The following SLC6A15 variants were observed in gnomAD, a reference collection of about 807,000 sequenced individuals.
The protein encoded by SLC6A15 is sodium-dependent neutral amino acid transporter B(0)AT2.
SLC6A15 carries 33 observed loss-of-function variants against 68.5 expected under a neutral mutation model. The ratio of observed to expected loss-of-function variants is 0.48; its 90% CI spans 0.37 to 0.64. The LOEUF (loss-of-function observed/expected upper bound fraction) is 0.64, where lower values mean the gene tolerates loss of function less well. Ranked by LOEUF, SLC6A15 falls within the 30% of genes least tolerant of loss-of-function variation. The pLI, the probability that SLC6A15 is intolerant of heterozygous loss-of-function variation, is 0.00. For missense variants in SLC6A15, 747 were observed against 874.3 expected (o/e 0.85, Z 1.84); for synonymous variants, 347 against 301.0 (o/e 1.15, Z -1.58).
At position 84,863,780 on chromosome 12, in the gene SLC6A15, T is replaced by C. The variant is rs564580475; in HGVS notation, c.1656-179A>G. Among the ~76,000 whole-genome samples the C allele has an allele frequency of 5.9e-5, 9 of 152,228 alleles. No individual in the cohort carries two copies. In the South Asian group the frequency reaches 1.2e-3, roughly 21 times the overall value. The stretch of plus-strand genomic sequence containing the variant: ...GTAAAATGAAGCCAGGTAAGTACTA[T>C]AATTTTTATTTAGGGAAAGCTCTCT... On this transcript the variant is annotated intron_variant, in intron 10 of 11. Transcript: ENST00000266682.
At chr12:84,898,771 C>T (rs565477957) in intron 1 of SLC6A15, among the ~76,000 whole-genome samples, 1 of 152,286 alleles carries the variant, frequency 6.6e-6, no homozygotes, top group Admixed American at 6.5e-5. Flanking sequence ...ATATTAAGGA[C>T]AATGTTAGGT....
At chr12:84,876,165 A>G (rs2924139) in intron 6 of SLC6A15, among the ~76,000 whole-genome samples, 151,573 of 151,580 alleles carry the variant, frequency 1, 75,783 homozygotes, top group Middle Eastern at 1. Flanking sequence ...AAAACCACTA[A>G]AATAAAGGGG....
At position 84,891,980 on chromosome 12, in the gene SLC6A15, T is replaced by G. The variant is rs755232053; in HGVS notation, c.141A>C (p.Lys47Asn). Residue 47 changes from lysine (K) to asparagine (N), a missense_variant, in exon 2 of 12, where the codon AAA (lysine) becomes AAC (asparagine). Coordinates refer to ENST00000266682, the MANE Select transcript of SLC6A15 (RefSeq NM_182767.6). Reference protein sequence around the residue: ...SELIVDGQEEKDTDVEEGSEV... With the variant: ...SELIVDGQEENDTDVEEGSEV... ...CAGATCCTTCTTCAACATCTGTATC[T>G]TTCTCTTCCTGGCCATCAACAATTA... 2 of 1,614,048 alleles carry G rather than the reference T, an allele frequency of 1.2e-6. 1 individual carries two copies. The highest frequency in any genetic ancestry group is 2.2e-5 in the South Asian group (2 of 91,080).
rs1170785801 is a variant in SLC6A15 at position 84,873,188 on chromosome 12, C to G, written c.1008G>C (p.Leu336=). 1.2e-6 allele frequency: 2 copies of G among 1,613,926 alleles called. No homozygotes were observed. Among genetic ancestry groups the G allele is most frequent in the Non-Finnish European group, 1.7e-6 (2 of 1,179,990 alleles). ...AAGTGAAAAAATTGATGAAGGACAC[C>G]AGGACAGCATCAAAGTGGCAGTTGT... ...RDNNCHFDAV[L]VSFINFFTSV... The change falls in exon 7 of 12, where the codon CTG becomes CTC. Residue 336 remains leucine, a synonymous_variant. Transcript: ENST00000266682.
intron 10 of SLC6A15, among the ~76,000 whole-genome samples, chr12:84,864,315 T>C (rs1870978694): frequency 6.7e-6 from 1 of 150,368 alleles, no homozygotes; most frequent in African/African-American, 2.4e-5. Flanking sequence ...GTCCATTCTT[T>C]CTTTCTTTTT....
chr12:84,865,551 G>C (rs1368890225), intron 10 of SLC6A15, among the ~76,000 whole-genome samples: 2 of 152,170 alleles, frequency 1.3e-5, no homozygotes, highest in Non-Finnish European at 2.9e-5. Context: ...AATGACGTGT[G>C]TCCACCATTA....
chr12:84,885,305 A>G (rs2120643040), intron 4 of SLC6A15, 130 bp downstream of exon 4: 1 of 883,012 alleles, frequency 1.1e-6, no homozygotes, highest in South Asian at 2.5e-5. Flanking sequence ...AATGTGAGCA[A>G]AGTCTGTTAT....
chr12:84,871,532 A>G lies in SLC6A15; in HGVS notation c.1303-862T>C, dbSNP rs573242248. ...TTACTTTGTCTAACTAACTGTACCT[A>G]TAACCAAACTTCAAGTTGTGTTGTC... On this transcript the variant is annotated intron_variant, in intron 8 of 11. Transcript: ENST00000266682. Among the ~76,000 whole-genome samples, 19 of 152,276 alleles carry G rather than the reference A, an allele frequency of 1.2e-4. No individual in the cohort carries two copies. The East Asian group carries it at 3.7e-3, about 29-fold the overall frequency.
At chr12:84,900,130 T>G (rs1872793754) in intron 1 of SLC6A15, among the ~76,000 whole-genome samples, 1 of 152,084 alleles carries the variant, frequency 6.6e-6, no homozygotes, top group African/African-American at 2.4e-5. Flanking sequence ...GTGTATCTTT[T>G]TATTTATTTC....
Position 84,897,778 on chromosome 12 carries a change from G to A in SLC6A15, c.-188-5470C>T, listed in dbSNP as rs953568811. On this transcript the variant is annotated intron_variant, in intron 1 of 11. Transcript: ENST00000266682. ...ATGAGCCCTATGGGATGAAGGAGTGGGGTATGGAGGGAAAGACTACATAAT... is the reference window on the plus strand; with the variant it reads ...ATGAGCCCTATGGGATGAAGGAGTGAGGTATGGAGGGAAAGACTACATAAT... 6.6e-5 allele frequency among the ~76,000 whole-genome samples: 10 copies of A among 152,140 alleles called. No individual in the cohort carries two copies. The East Asian group carries it at 1.9e-3, about 29-fold the overall frequency.
chr12:84,863,793 G>A (rs1038077062), intron 10 of SLC6A15, among the ~76,000 whole-genome samples, 192 bp from the exon 11 acceptor site: 4 of 151,806 alleles, frequency 2.6e-5, no homozygotes, highest in Non-Finnish European at 5.9e-5. Flanking sequence ...TTTTTATTTA[G>A]GGAAAGCTCT....
chr12:84,873,319 T>G lies in SLC6A15; in HGVS notation c.877A>C (p.Met293Leu), dbSNP rs779796842. 30 of 1,613,920 alleles carry G rather than the reference T, an allele frequency of 1.9e-5. No homozygotes were observed. Among genetic ancestry groups the G allele is most frequent in the Non-Finnish European group, 2.4e-5 (28 of 1,179,914 alleles). The change falls in exon 7 of 12, where the codon ATG becomes CTG. Residue 293 changes from methionine (M) to leucine (L), a missense_variant. Transcript: ENST00000266682. ...TCTCTCCAGACCTTGGGCTCCAGCATTATTTCAAGCTGTTTAAAAATAAAC... is the reference window on the plus strand; with the variant it reads ...TCTCTCCAGACCTTGGGCTCCAGCAGTATTTCAAGCTGTTTAAAAATAAAC... ...RHMFTPKLEIMLEPKVWREAA... is the reference protein window; with the variant it reads ...RHMFTPKLEILLEPKVWREAA...
chr12:84,873,511 A>C (rs1348934397), intron 6 of SLC6A15, among the ~76,000 whole-genome samples, 183 bp from the exon 7 acceptor site: 1 of 152,240 alleles, frequency 6.6e-6, no homozygotes, highest in Non-Finnish European at 1.5e-5. Context: ...AATTATGAGT[A>C]AGAAAGTTGA....
intron 1 of SLC6A15, among the ~76,000 whole-genome samples, chr12:84,901,436 C>T (rs1323273538): frequency 6.6e-6 from 1 of 151,508 alleles, no homozygotes; most frequent in Non-Finnish European, 1.5e-5. Context: ...ATATAGAATT[C>T]GTCATCATAT....
chr12:84,899,952 A>C (rs1180601428), intron 1 of SLC6A15, among the ~76,000 whole-genome samples: 1 of 151,928 alleles, frequency 6.6e-6, no homozygotes, highest in Non-Finnish European at 1.5e-5. Flanking sequence ...AGATTGTTTC[A>C]CCTATTCTAG....
intron 8 of SLC6A15, 135 bp downstream of exon 8, chr12:84,872,467 T>C: frequency 1.9e-6 from 1 of 528,666 alleles, no homozygotes; most frequent in Non-Finnish European, 3.2e-6. Context: ...GGACTTATAA[T>C]GCCCAGGAGC....
chr12:84,908,598 A>G (rs1873284908), intron 1 of SLC6A15, among the ~76,000 whole-genome samples: 1 of 109,890 alleles, frequency 9.1e-6, no homozygotes, highest in Non-Finnish European at 1.7e-5. Context: ...AAGAGTAAAG[A>G]AACATATATA....
intron 3 of SLC6A15, 56 bp downstream of exon 3, chr12:84,885,855 T>C (rs1872074518): frequency 1.2e-5 from 17 of 1,472,716 alleles, no homozygotes; most frequent in Non-Finnish European, 1.6e-5. Flanking sequence ...AAATGTTAAT[T>C]ATATAATTTG....
intron 8 of SLC6A15, among the ~76,000 whole-genome samples, chr12:84,871,901 A>G (rs56358839): frequency 0.24 from 36,134 of 152,032 alleles, 6,538 homozygotes; most frequent in African/African-American, 0.51. Context: ...GCCTGTAATC[A>G]CAGCACTTTG....
Sources: allele counts gnomAD v4.1 joint callset (sites outside exome capture counted in the v4.1 genomes callset), GRCh38; gene constraint gnomAD v4.1.1; transcripts MANE v1.5; gene names NCBI Gene and HGNC (gene_info 2026-07-23, HGNC 2026-07-21).